Variants in RANBP17 observed in about 807,000 individuals in gnomAD.
RANBP17 encodes the protein ran-binding protein 17.
In RANBP17, 158 loss-of-function variants were observed where a neutral mutation model predicts 141.2. That is an observed-to-expected ratio of 1.12 (90% CI 0.98 to 1.28). RANBP17 has a LOEUF of 1.28. Ranked by LOEUF, RANBP17 falls within the 50% of genes most tolerant of loss-of-function variation. The pLI is 0.00. For missense variants in RANBP17, 1,438 were observed against 1,290.7 expected, an observed-to-expected ratio of 1.11 and a Z score of -1.75; for synonymous variants, 430 against 450.0, an observed-to-expected ratio of 0.96 and a Z score of 0.56.
Position 171,088,146 on chromosome 5 carries a change from T to G in RANBP17, c.1711-81984T>G, listed in dbSNP as rs550297032. Among the ~76,000 whole-genome samples the G allele has an allele frequency of 1.2e-4, 19 of 152,132 alleles. No homozygotes were observed. The South Asian group carries it at 2.5e-3, about 20-fold the overall frequency. On this transcript the variant is annotated intron_variant, in intron 14 of 27. Coordinates refer to ENST00000523189, the MANE Select transcript of RANBP17 (RefSeq NM_022897.5). ...TTTAGTGCTTCCTTCAGGAGCTCTT[T>G]TAGGGCAGGCCTGGTGGTGACAAAA...
At chr5:170,884,562 AAG>A (rs1230421702) in intron 3 of RANBP17, among the ~76,000 whole-genome samples, 1 of 152,106 alleles carries the variant, frequency 6.6e-6, no homozygotes, top group African/African-American at 2.4e-5. Flanking sequence ...GAGGAAGAGA[AAG>A]AGGAGAGGTT....
At chr5:171,087,619 C>G (rs867088462) in intron 14 of RANBP17, among the ~76,000 whole-genome samples, 3,503 of 151,554 alleles carry the variant, frequency 0.023, 41 homozygotes, top group African/African-American at 0.076. Flanking sequence ...GTAGGTCACT[C>G]AGGACTTGCT....
chr5:170,930,103 A>G (rs1773229889), intron 12 of RANBP17, among the ~76,000 whole-genome samples: 1 of 151,560 alleles, frequency 6.6e-6, no homozygotes, highest in African/African-American at 2.4e-5. Flanking sequence ...CTTTTTAGAG[A>G]ACTATTTTTA....
At chr5:171,135,174 G>GGAGGCT (rs1201322505) in intron 14 of RANBP17, among the ~76,000 whole-genome samples, 1 of 151,482 alleles carries the variant, frequency 6.6e-6, no homozygotes, top group East Asian at 1.9e-4. Flanking sequence ...CAGCTACCCG[G>GGAGGCT]GAGGCTGAGG....
intron 14 of RANBP17, among the ~76,000 whole-genome samples, chr5:171,041,145 C>G (rs1389273923): frequency 6.6e-6 from 1 of 152,090 alleles, no homozygotes; most frequent in Non-Finnish European, 1.5e-5. Context: ...TTGATTGTCC[C>G]CATGATATGG....
intron 14 of RANBP17, among the ~76,000 whole-genome samples, chr5:171,066,363 T>C (rs1295555769): frequency 6.6e-6 from 1 of 152,202 alleles, no homozygotes; most frequent in East Asian, 1.9e-4. Flanking sequence ...TTCTGCTCTC[T>C]ACTTTTATGA....
intron 7 of RANBP17, chr5:170,911,415 A>G: frequency 1.7e-6 from 1 of 583,200 alleles, no homozygotes; most frequent in Non-Finnish European, 3.1e-6. Flanking sequence ...ATGATTTGAA[A>G]CTTTCAGACT....
rs1409484337 is a variant in RANBP17, at chr5:170,918,816, A to G, written c.1058A>G (p.Glu353Gly). The G allele has an allele frequency of 4.4e-6, 7 of 1,595,450 alleles. No homozygotes were observed. The highest frequency in any genetic ancestry group is 5.1e-6 in the Non-Finnish European group (6 of 1,169,374). ...GELVMVKEYP[E>G]VIRLIANFTI... ...TTAGTTATGGTGAAGGAATATCCTG[A>G]AGTTATTAGATTGATTGCTAATTTT... Residue 353 changes from glutamate (E) to glycine (G), a missense_variant, in exon 10 of 28, where the codon GAA becomes GGA. Coordinates refer to ENST00000523189, the MANE Select transcript of RANBP17 (RefSeq NM_022897.5).
chr5:171,036,214 CTT>C (rs1781874040), intron 14 of RANBP17, among the ~76,000 whole-genome samples: 1 of 152,128 alleles, frequency 6.6e-6, no homozygotes, highest in Admixed American at 6.6e-5. Flanking sequence ...CCCAGTGTCT[CTT>C]GTTGCTGTCT....
At chr5:171,141,337 C>T (rs1757676278) in intron 14 of RANBP17, among the ~76,000 whole-genome samples, 1 of 151,774 alleles carries the variant, frequency 6.6e-6, no homozygotes, top group Non-Finnish European at 1.5e-5. Flanking sequence ...TGCCTCACAC[C>T]TGTAATCCCA....
intron 21 of RANBP17, among the ~76,000 whole-genome samples, chr5:171,214,424 T>C (rs531173323): frequency 6.6e-6 from 1 of 152,314 alleles, no homozygotes; most frequent in East Asian, 1.9e-4. Flanking sequence ...CTAATTGGGC[T>C]TAAAATATGT....
At chr5:171,292,628 T>C (rs1372743442) in intron 25 of RANBP17, among the ~76,000 whole-genome samples, 1 of 152,120 alleles carries the variant, frequency 6.6e-6, no homozygotes, top group Non-Finnish European at 1.5e-5. Context: ...CCTGCCCTCT[T>C]TTGGGGAAAG....
At chr5:171,014,747 C>G (rs982969752) in intron 14 of RANBP17, among the ~76,000 whole-genome samples, 1 of 152,006 alleles carries the variant, frequency 6.6e-6, no homozygotes, top group East Asian at 1.9e-4. Context: ...GTTACCATTT[C>G]CAGTTTTCAT....
chr5:171,099,939 C>G (rs907013343), intron 14 of RANBP17, among the ~76,000 whole-genome samples: 1 of 152,180 alleles, frequency 6.6e-6, no homozygotes, highest in Non-Finnish European at 1.5e-5. Flanking sequence ...AGCCTTGCTT[C>G]CCATGGATGA....
At chr5:171,294,682 C>T (rs891538364) in intron 26 of RANBP17, among the ~76,000 whole-genome samples, 2 of 152,206 alleles carry the variant, frequency 1.3e-5, no homozygotes, top group African/African-American at 2.4e-5. Context: ...AGAGCTGTCT[C>T]ATCATTCACC....
At chr5:171,166,289 GC>G (rs956378621) in intron 14 of RANBP17, among the ~76,000 whole-genome samples, 8 of 151,988 alleles carry the variant, frequency 5.3e-5, no homozygotes, top group African/African-American at 1.9e-4. Flanking sequence ...CATTGTATTG[GC>G]CATCCTTCTC....
chr5:171,148,103 C>T (rs895750413), intron 14 of RANBP17, among the ~76,000 whole-genome samples: 1 of 152,046 alleles, frequency 6.6e-6, no homozygotes, highest in Non-Finnish European at 1.5e-5. Flanking sequence ...CAACCCTGTG[C>T]TCTCTGAAAC....
chr5:171,254,110 G>T (rs111265851), intron 24 of RANBP17, among the ~76,000 whole-genome samples: 41 of 152,164 alleles, frequency 2.7e-4, no homozygotes, highest in African/African-American at 9.9e-4. Flanking sequence ...AGCCGGGTGT[G>T]GTGGCATGCG....
intron 8 of RANBP17, among the ~76,000 whole-genome samples, chr5:170,916,077 G>A (rs1771925634): frequency 6.6e-6 from 1 of 150,390 alleles, no homozygotes; most frequent in Non-Finnish European, 1.5e-5. Flanking sequence ...GCATTATAAT[G>A]CATTATATTC....
Sources: allele counts gnomAD v4.1 joint callset (sites outside exome capture counted in the v4.1 genomes callset), GRCh38; gene constraint gnomAD v4.1.1; transcripts MANE v1.5; gene names NCBI Gene and HGNC (gene_info 2026-07-23, HGNC 2026-07-21).